Variants in THSD4 observed in about 807,000 individuals in gnomAD.
The protein encoded by THSD4 is thrombospondin type-1 domain-containing protein 4.
THSD4 carries 69 observed loss-of-function variants against 119.0 expected under a neutral mutation model. The observed-to-expected ratio is 0.58, with a 90% CI of 0.48 to 0.71. The LOEUF (loss-of-function observed/expected upper bound fraction) is 0.71. THSD4 is among the 30% of genes least tolerant of loss of function. The pLI is 0.00. For missense variants in THSD4, 1,393 were observed against 1,391.1 expected (o/e 1.00, Z -0.02); for synonymous variants, 524 against 540.4 (o/e 0.97, Z 0.42).
At chr15:71,603,577 C>T (rs1253076824) in intron 7 of THSD4, among the ~76,000 whole-genome samples, 4 of 152,186 alleles carry the variant, frequency 2.6e-5, no homozygotes, top group African/African-American at 9.7e-5. Flanking sequence ...ATCTGCACCC[C>T]GCCATGGTCA....
chr15:71,659,331 A>G (rs748262737), intron 7 of THSD4, among the ~76,000 whole-genome samples: 5 of 152,242 alleles, frequency 3.3e-5, no homozygotes, highest in Non-Finnish European at 7.3e-5. Context: ...GATTCAGGAA[A>G]CATGATCCTG....
At chr15:71,130,246 C>T (rs2040491155) in intron 1 of THSD4, among the ~76,000 whole-genome samples, 1 of 152,040 alleles carries the variant, frequency 6.6e-6, no homozygotes, top group African/African-American at 2.4e-5. Flanking sequence ...AGTGCAGTGG[C>T]ATAGTCTCGG....
chr15:71,669,531 A>G (rs1377718273), intron 8 of THSD4, among the ~76,000 whole-genome samples: 1 of 152,128 alleles, frequency 6.6e-6, no homozygotes, highest in Admixed American at 6.6e-5. Flanking sequence ...TTTCTGACAG[A>G]TACCTTTCAC....
At chr15:71,209,571 T>A (rs946385270) in intron 3 of THSD4, among the ~76,000 whole-genome samples, 1 of 152,260 alleles carries the variant, frequency 6.6e-6, no homozygotes, top group Non-Finnish European at 1.5e-5. Context: ...CATCCAATGT[T>A]AACTTCATCT....
chr15:71,350,714 G>A (rs2045732873), intron 6 of THSD4, among the ~76,000 whole-genome samples: 1 of 152,126 alleles, frequency 6.6e-6, no homozygotes, highest in South Asian at 2.1e-4. Context: ...GATGGTGCAG[G>A]GATGAGGAGG....
intron 8 of THSD4, among the ~76,000 whole-genome samples, chr15:71,727,623 A>C (rs1423230885): frequency 4.5e-4 from 58 of 129,744 alleles, no homozygotes; most frequent in African/African-American, 1.7e-3. Flanking sequence ...CACACACACA[A>C]GCCAGGCATG....
intron 6 of THSD4, among the ~76,000 whole-genome samples, chr15:71,358,323 G>A (rs780209698): frequency 2.0e-5 from 3 of 152,160 alleles, no homozygotes; most frequent in Non-Finnish European, 4.4e-5. Context: ...CAAAACCTCT[G>A]TATAATCAGT....
At chr15:71,547,943 T>A (rs1483890478) in intron 7 of THSD4, among the ~76,000 whole-genome samples, 1 of 151,406 alleles carries the variant, frequency 6.6e-6, no homozygotes, top group Non-Finnish European at 1.5e-5. Flanking sequence ...CTTAGAAAAA[T>A]CTGTGCTTAA....
At chr15:71,593,918 C>A (rs2049857488) in intron 7 of THSD4, among the ~76,000 whole-genome samples, 2 of 149,868 alleles carry the variant, frequency 1.3e-5, no homozygotes, top group African/African-American at 4.9e-5. Context: ...TCCCACCCCC[C>A]CGGCAAAAAA....
chr15:71,165,409 T>G, intron 3 of THSD4: 1 of 1,489,168 alleles, frequency 6.7e-7, no homozygotes, highest in Non-Finnish European at 9.3e-7. Context: ...AGGATCTCCT[T>G]TGCCCATGTT....
intron 6 of THSD4, among the ~76,000 whole-genome samples, chr15:71,281,186 A>G (rs1220809152): frequency 4.6e-5 from 7 of 152,222 alleles, no homozygotes; most frequent in Admixed American, 2.0e-4. Flanking sequence ...TATGAATCCG[A>G]GAAGTCTACT....
intron 6 of THSD4, among the ~76,000 whole-genome samples, chr15:71,366,395 G>A (rs1465213294): frequency 6.6e-6 from 1 of 152,154 alleles, no homozygotes; most frequent in Non-Finnish European, 1.5e-5. Flanking sequence ...TATAGGGAGG[G>A]AAGAAGAGCT....
chr15:71,208,758 C>T (rs989293098), intron 3 of THSD4, among the ~76,000 whole-genome samples: 3 of 152,088 alleles, frequency 2.0e-5, no homozygotes, highest in African/African-American at 4.8e-5. Context: ...ATTATCCACC[C>T]ACCTCAGCCT....
chr15:71,553,501 A>T (rs941044761), intron 7 of THSD4, among the ~76,000 whole-genome samples: 4 of 151,624 alleles, frequency 2.6e-5, no homozygotes, highest in Admixed American at 2.0e-4. Flanking sequence ...TAATTTTTGT[A>T]TTTTCAGGAG....
intron 8 of THSD4, among the ~76,000 whole-genome samples, chr15:71,722,991 G>A (rs924318068): frequency 2.0e-5 from 3 of 151,456 alleles, no homozygotes; most frequent in Admixed American, 6.6e-5. Context: ...ATTCTTTTTC[G>A]AGTCACTTGG....
In THSD4 at chr15:71,341,472, C is replaced by T. The variant is rs773372187; in HGVS notation, c.1016-70215C>T. 8 of 1,613,218 alleles carry T rather than the reference C, an allele frequency of 5.0e-6. No homozygotes were observed. The East Asian group carries it at 6.7e-5, about 13-fold the overall frequency. Reference sequence around the variant, plus strand: ...TCAGCACTCTTTTTGGGCCACCGACCTTGTGTCCAGCCCCACTGCTTGGCC... The same window carrying T: ...TCAGCACTCTTTTTGGGCCACCGACTTTGTGTCCAGCCCCACTGCTTGGCC... On this transcript the variant is annotated intron_variant, in intron 6 of 17. Coordinates refer to ENST00000261862, the MANE Select transcript of THSD4 (RefSeq NM_024817.3).
At chr15:71,662,564 C>T (rs527613351) in intron 8 of THSD4, among the ~76,000 whole-genome samples, 8 of 152,282 alleles carry the variant, frequency 5.3e-5, no homozygotes, top group African/African-American at 1.9e-4. Flanking sequence ...AACAATGCCA[C>T]TTTTTATTAG....
At chr15:71,299,976 A>AAATATATATATATATATATATAT (rs1555462049) in intron 6 of THSD4, among the ~76,000 whole-genome samples, 13 of 48,310 alleles carry the variant, frequency 2.7e-4, no homozygotes, top group African/African-American at 8.5e-4. Context: ...AAAAAAAAAA[A>AAATATATATATATATATATATAT]ATATATATAT....
At chr15:71,321,865 T>C (rs866283898) in intron 6 of THSD4, among the ~76,000 whole-genome samples, 2 of 152,088 alleles carry the variant, frequency 1.3e-5, no homozygotes, top group Admixed American at 6.5e-5. Flanking sequence ...TAAAATATTA[T>C]AGTCAATTCA....
Sources: allele counts gnomAD v4.1 joint callset (sites outside exome capture counted in the v4.1 genomes callset), GRCh38; gene constraint gnomAD v4.1.1; transcripts MANE v1.5; gene names NCBI Gene and HGNC (gene_info 2026-07-23, HGNC 2026-07-21).